Variants in GRIN2B observed in about 807,000 individuals in gnomAD.
GRIN2B encodes glutamate ionotropic receptor NMDA type subunit 2B.
In GRIN2B, 5 loss-of-function variants were observed where a neutral mutation model predicts 114.5. The observed-to-expected ratio is 0.04, with a 90% CI of 0.02 to 0.09. The LOEUF (loss-of-function observed/expected upper bound fraction) is 0.09. Ranked by LOEUF, GRIN2B falls within the 10% of genes least tolerant of loss-of-function variation. The pLI is 1.00. For missense variants in GRIN2B, 1,108 were observed against 1,943.5 expected (o/e 0.57, Z 8.08); for synonymous variants, 787 against 745.1 (o/e 1.06, Z -0.92).
intron 5 of GRIN2B, among the ~76,000 whole-genome samples, chr12:13,645,128 C>T (rs2136511002): frequency 6.6e-6 from 1 of 152,246 alleles, no homozygotes; most frequent in South Asian, 2.1e-4. Flanking sequence ...GAGGCTTCCT[C>T]ACTAAGCTTA....
chr12:13,860,996 T>C (rs1227306189), intron 3 of GRIN2B, among the ~76,000 whole-genome samples: 1 of 152,216 alleles, frequency 6.6e-6, no homozygotes, highest in African/African-American at 2.4e-5. Context: ...ACCTAAAGTG[T>C]CTGTTTGCCA....
At chr12:13,865,233 C>T (rs55996081) in intron 3 of GRIN2B, among the ~76,000 whole-genome samples, 4,714 of 152,262 alleles carry the variant, frequency 0.031, 121 homozygotes, top group Non-Finnish European at 0.047. Context: ...GCGTCAACAT[C>T]CCTTAGTCAT....
chr12:13,944,077 A>G (rs1188959111), intron 2 of GRIN2B, among the ~76,000 whole-genome samples: 1 of 152,234 alleles, frequency 6.6e-6, no homozygotes, highest in African/African-American at 2.4e-5. Flanking sequence ...AATCTAGAAA[A>G]GACAATCTCA....
chr12:13,939,051 T>G (rs1867183569), intron 2 of GRIN2B, among the ~76,000 whole-genome samples: 1 of 152,172 alleles, frequency 6.6e-6, no homozygotes, highest in Non-Finnish European at 1.5e-5. Context: ...AGACTTTAAC[T>G]GTTCCCTACT....
At position 13,704,958 on chromosome 12, in the gene GRIN2B, T is replaced by G. The variant is rs188734634; in HGVS notation, c.1011-29099A>C. On this transcript the variant is annotated intron_variant, in intron 4 of 13. Coordinates refer to ENST00000609686, the MANE Select transcript of GRIN2B (RefSeq NM_000834.5). Reference sequence around the variant, plus strand: ...AAAATATTAATGCCCCATGACTGATTTCAGTGGAATATCTTCACAACCAAT... The same window carrying G: ...AAAATATTAATGCCCCATGACTGATGTCAGTGGAATATCTTCACAACCAAT... 8.3e-4 allele frequency among the ~76,000 whole-genome samples: 126 copies of G among 152,276 alleles called. 1 individual carries two copies. In the South Asian group the frequency reaches 0.017, roughly 20 times the overall value.
At chr12:13,575,326 T>C (rs1340012336) in intron 10 of GRIN2B, among the ~76,000 whole-genome samples, 1 of 152,088 alleles carries the variant, frequency 6.6e-6, no homozygotes, top group Non-Finnish European at 1.5e-5. Flanking sequence ...AATTAGATAA[T>C]AACATAGCAA....
chr12:13,597,028 G>A (rs1306028377), intron 10 of GRIN2B, among the ~76,000 whole-genome samples: 1 of 152,246 alleles, frequency 6.6e-6, no homozygotes, highest in Non-Finnish European at 1.5e-5. Flanking sequence ...GATGCAGGCT[G>A]TGGGGTCAGC....
chr12:13,836,330 A>G (rs1865265099), intron 3 of GRIN2B, among the ~76,000 whole-genome samples: 1 of 152,170 alleles, frequency 6.6e-6, no homozygotes, highest in South Asian at 2.1e-4. Flanking sequence ...ACCTGTAACC[A>G]TGCATGGAAC....
intron 10 of GRIN2B, among the ~76,000 whole-genome samples, chr12:13,591,118 C>T (rs1949003628): frequency 6.6e-6 from 1 of 152,104 alleles, no homozygotes; most frequent in Non-Finnish European, 1.5e-5. Context: ...TCGCCTGCTG[C>T]CCCTTCCACA....
At chr12:13,789,306 C>A (rs911428692) in intron 3 of GRIN2B, among the ~76,000 whole-genome samples, 4 of 152,288 alleles carry the variant, frequency 2.6e-5, no homozygotes, top group Admixed American at 2.6e-4. Flanking sequence ...GCAATAACTG[C>A]AAAAGCATGT....
intron 4 of GRIN2B, among the ~76,000 whole-genome samples, chr12:13,699,134 A>C (rs897870225): frequency 6.6e-6 from 1 of 152,232 alleles, no homozygotes; most frequent in African/African-American, 2.4e-5. Context: ...ACAGTAAATT[A>C]AAATACTTAT....
intron 2 of GRIN2B, among the ~76,000 whole-genome samples, chr12:13,932,260 T>C (rs1311882838): frequency 6.6e-6 from 1 of 152,280 alleles, no homozygotes; most frequent in African/African-American, 2.4e-5. Flanking sequence ...CTTTGATCTA[T>C]CAGGTATCTG....
intron 4 of GRIN2B, among the ~76,000 whole-genome samples, chr12:13,694,997 T>C (rs1461432345): frequency 1.3e-5 from 2 of 152,050 alleles, no homozygotes; most frequent in Non-Finnish European, 2.9e-5. Context: ...TGACAGACTC[T>C]GAAGAATTAA....
intron 2 of GRIN2B, among the ~76,000 whole-genome samples, chr12:13,932,330 A>G (rs1867049383): frequency 6.6e-6 from 1 of 152,002 alleles, no homozygotes; most frequent in African/African-American, 2.4e-5. Flanking sequence ...AGAACCCTAA[A>G]CTCTCTATAT....
chr12:13,781,127 T>C (rs1299188529), intron 3 of GRIN2B, among the ~76,000 whole-genome samples: 1 of 152,172 alleles, frequency 6.6e-6, no homozygotes, highest in African/African-American at 2.4e-5. Context: ...TTATTCAGCA[T>C]TTTAATCAAT....
rs934012617 is a variant in GRIN2B at position 13,558,055 on chromosome 12, T to G, written c.*4728A>C. 1 of 152,316 alleles carries G rather than the reference T, an allele frequency of 6.6e-6. No individual in the cohort carries two copies. The highest frequency in any genetic ancestry group is 6.5e-5 in the Admixed American group (1 of 15,292). 9.4% of individuals were successfully genotyped at this position (152,316 alleles called of 1,614,324 possible). ...ATACATAAGGCCAGACCCATCCCAG[T>G]GTGACTATTCACTTTCAGCTGCTTC... On this transcript the variant is annotated 3_prime_UTR_variant, in exon 14 of 14. Transcript: ENST00000609686.
At chr12:13,871,670 C>A (rs1379690168) in intron 2 of GRIN2B, among the ~76,000 whole-genome samples, 2 of 143,000 alleles carry the variant, frequency 1.4e-5, no homozygotes, top group East Asian at 2.1e-4. Context: ...CAAAGAAAAG[C>A]AAAAAACAAA....
In GRIN2B at chr12:13,808,758, T is replaced by A. The variant is rs974071029; in HGVS notation, c.412-54843A>T. On this transcript the variant is annotated intron_variant, in intron 3 of 13. Coordinates refer to ENST00000609686, the MANE Select transcript of GRIN2B (RefSeq NM_000834.5). ...TAAAGTATAATAAAAAAAAAATATATATATATATATATACATATAAAATAA... is the reference window on the plus strand; with the variant it reads ...TAAAGTATAATAAAAAAAAAATATAAATATATATATATACATATAAAATAA... 3.8e-4 allele frequency among the ~76,000 whole-genome samples: 55 copies of A among 143,854 alleles called. 1 individual carries two copies. Among genetic ancestry groups the A allele is most frequent in the East Asian group, 1.2e-3 (6 of 4,988 alleles). The allele number at this position is 143,854 out of a possible 152,430, so 94.4% of individuals were successfully genotyped here. A position where few individuals can be genotyped will look rare whatever the true frequency, so the allele number is the denominator to read the frequency against.
intron 4 of GRIN2B, among the ~76,000 whole-genome samples, chr12:13,698,342 C>T (rs546655254): frequency 6.6e-6 from 1 of 152,282 alleles, no homozygotes; most frequent in South Asian, 2.1e-4. Flanking sequence ...AAAAGCAAGA[C>T]AGTAGGGAAT....
Sources: allele counts gnomAD v4.1 joint callset (sites outside exome capture counted in the v4.1 genomes callset), GRCh38; gene constraint gnomAD v4.1.1; transcripts MANE v1.5; gene names NCBI Gene and HGNC (gene_info 2026-07-23, HGNC 2026-07-21).